MCTP1: variants seen among roughly 807,000 people sequenced by gnomAD.
The protein encoded by MCTP1 is multiple C2 and transmembrane domain-containing protein 1.
A neutral mutation model predicts 120.6 loss-of-function variants in MCTP1; 69 were observed. The ratio of observed to expected loss-of-function variants is 0.57; its 90% confidence interval spans 0.47 to 0.70. The LOEUF is 0.70. MCTP1 is among the 30% of genes least tolerant of loss of function. MCTP1 has a pLI of 0.00. For synonymous variants in MCTP1, 529 were observed against 493.1 expected (o/e 1.07, Z -0.96); for missense variants, 1,203 against 1,248.8 (o/e 0.96, Z 0.55).
chr5:94,852,374 T>C (rs1159083891), intron 17 of MCTP1, among the ~76,000 whole-genome samples: 2 of 151,896 alleles, frequency 1.3e-5, no homozygotes. Context: ...GACCTTATTA[T>C]TATTTAGCTG....
intron 17 of MCTP1, among the ~76,000 whole-genome samples, chr5:94,828,367 C>CA (rs1262625298): frequency 2.0e-5 from 3 of 152,314 alleles, no homozygotes; most frequent in African/African-American, 7.2e-5. Flanking sequence ...AGCTGGAGCT[C>CA]TCCTGTATGA....
At chr5:95,062,802 GTT>G (rs5869669) in intron 1 of MCTP1, among the ~76,000 whole-genome samples, 1 of 151,718 alleles carries the variant, frequency 6.6e-6, no homozygotes, top group South Asian at 2.1e-4. Context: ...CTGTTTTATT[GTT>G]TTTTTGTTTT....
chr5:94,998,813 T>G (rs1833098704), intron 2 of MCTP1, among the ~76,000 whole-genome samples: 2 of 152,216 alleles, frequency 1.3e-5, no homozygotes. Flanking sequence ...TACATACATG[T>G]TAACTCACTG....
At chr5:95,195,490 A>G (rs1750281668) in intron 1 of MCTP1, among the ~76,000 whole-genome samples, 2 of 152,326 alleles carry the variant, frequency 1.3e-5, no homozygotes, top group South Asian at 4.1e-4. Context: ...GATCACAGAA[A>G]GAATTGCCAT....
intron 19 of MCTP1, among the ~76,000 whole-genome samples, chr5:94,767,733 C>A (rs1325286268): frequency 6.6e-6 from 1 of 151,974 alleles, no homozygotes; most frequent in Non-Finnish European, 1.5e-5. Flanking sequence ...ACAAGGAAAA[C>A]TAAAAAATAC....
In MCTP1 at chr5:94,994,501, T is replaced by C. The variant is rs78557646; in HGVS notation, c.838+22866A>G. Among the ~76,000 whole-genome samples, 183 of 152,330 alleles carry C rather than the reference T, an allele frequency of 1.2e-3. 1 individual carries two copies. The highest frequency in any genetic ancestry group is 4.3e-3 in the African/African-American group (177 of 41,586). ...GGAAGCTTTTTTAACATACAGTTTG[T>C]GGTCATAGTTTCATTTATTTACCTA... is the stretch of plus-strand genomic sequence containing the variant. On this transcript the variant is annotated intron_variant, in intron 2 of 22. Coordinates refer to ENST00000515393, the MANE Select transcript of MCTP1 (RefSeq NM_024717.7).
chr5:94,793,712 TAGGAATACTTG>T (rs1239447644), intron 18 of MCTP1: 1 of 152,264 alleles, frequency 6.6e-6, no homozygotes, highest in African/African-American at 2.4e-5. Flanking sequence ...TAGATCCTGT[TAGGAATACTTG>T]ACTTATTCAG....
At position 94,909,304 on chromosome 5, in the gene MCTP1, A is replaced by G; in HGVS notation, c.1599T>C (p.Ile533=). The G allele has an allele frequency of 6.2e-7, 1 of 1,610,386 alleles. No individual in the cohort carries two copies. Among genetic ancestry groups the G allele is most frequent in the Non-Finnish European group, 8.5e-7 (1 of 1,178,402 alleles). Residue 533 remains isoleucine, a synonymous_variant, in exon 10 of 23, where the codon ATT becomes ATC. Coordinates refer to ENST00000515393, the MANE Select transcript of MCTP1 (RefSeq NM_024717.7). Reference sequence around the variant, plus strand: ...CATCTTTGTCCCATGCAGTGATATCAATGACTCCTCCTCTTTCTTCATAAA... The same window carrying G: ...CATCTTTGTCCCATGCAGTGATATCGATGACTCCTCCTCTTTCTTCATAAA... ...FHLYEERGGV[I]DITAWDKDAG... is the part of the protein sequence containing the mutation.
At chr5:95,174,497 C>T (rs1747736282) in intron 1 of MCTP1, among the ~76,000 whole-genome samples, 1 of 151,938 alleles carries the variant, frequency 6.6e-6, no homozygotes, top group South Asian at 2.1e-4. Flanking sequence ...ATTTCTTAGC[C>T]CAGAATTATT....
chr5:95,207,968 G>GGAGAGAGAGGGA (rs1751843294), intron 1 of MCTP1, among the ~76,000 whole-genome samples: 5 of 87,068 alleles, frequency 5.7e-5, no homozygotes, highest in Admixed American at 3.6e-4. Flanking sequence ...GGAGAGAGAG[G>GGAGAGAGAGGGA]GAGAGAGAGG....
intron 1 of MCTP1, among the ~76,000 whole-genome samples, chr5:95,228,690 G>T (rs1754574468): frequency 6.6e-6 from 1 of 152,132 alleles, no homozygotes. Context: ...ATTAAATCAT[G>T]GGGCAGATTT....
intron 1 of MCTP1, among the ~76,000 whole-genome samples, chr5:95,256,514 T>A (rs965178256): frequency 6.6e-6 from 1 of 152,192 alleles, no homozygotes; most frequent in Admixed American, 6.5e-5. Context: ...GACTCCTAAC[T>A]ACATTGCATC....
intron 1 of MCTP1, among the ~76,000 whole-genome samples, chr5:95,096,003 C>G (rs1016345939): frequency 1.3e-5 from 2 of 152,120 alleles, no homozygotes; most frequent in Non-Finnish European, 1.5e-5. Context: ...GAGTTCCACA[C>G]TCTGAATGGA....
intron 1 of MCTP1, among the ~76,000 whole-genome samples, chr5:95,092,378 A>C (rs1755912139): frequency 6.6e-6 from 1 of 152,238 alleles, no homozygotes; most frequent in Non-Finnish European, 1.5e-5. Context: ...ATATAGCCAG[A>C]GGTTAACAGA....
intron 17 of MCTP1, among the ~76,000 whole-genome samples, chr5:94,818,546 T>TC (rs1420444053): frequency 6.6e-6 from 1 of 152,194 alleles, no homozygotes; most frequent in Non-Finnish European, 1.5e-5. Flanking sequence ...GCTAGAGGCT[T>TC]CCTAGAGAGT....
intron 1 of MCTP1, among the ~76,000 whole-genome samples, chr5:95,207,915 A>C (rs1751807425): frequency 6.9e-6 from 1 of 144,286 alleles, no homozygotes; most frequent in African/African-American, 2.6e-5. Flanking sequence ...AAATGAAAAA[A>C]AGAATGAGCG....
At position 95,164,822 on chromosome 5, in the gene MCTP1, C is replaced by T. The variant is rs182043591; in HGVS notation, c.720+119034G>A. Among the ~76,000 whole-genome samples the T allele has an allele frequency of 7.8e-4, 118 of 152,092 alleles. 1 individual carries two copies. The highest frequency in any genetic ancestry group is 2.8e-3 in the African/African-American group (117 of 41,506). ...CTGGATAATGTAAACTCCAAGTGGCCTAATACAAGAAATCTGTTTCTCATG... is the reference window on the plus strand; with the variant it reads ...CTGGATAATGTAAACTCCAAGTGGCTTAATACAAGAAATCTGTTTCTCATG... On this transcript the variant is annotated intron_variant, in intron 1 of 22. Coordinates refer to ENST00000515393, the MANE Select transcript of MCTP1 (RefSeq NM_024717.7).
At chr5:94,922,705 C>A (rs1302656906) in intron 7 of MCTP1, among the ~76,000 whole-genome samples, 1 of 152,108 alleles carries the variant, frequency 6.6e-6, no homozygotes, top group African/African-American at 2.4e-5. Flanking sequence ...TCAGGCTGGT[C>A]TCCAACTCCT....
chr5:95,068,943 T>G (rs1473117057), intron 1 of MCTP1: 1 of 356,694 alleles, frequency 2.8e-6, no homozygotes, highest in Non-Finnish European at 4.4e-6. Context: ...AGGGGAAGAT[T>G]GTGAGCAGGT....
Sources: gnomAD v4.1 joint callset for allele counts (sites outside exome capture counted in the v4.1 genomes callset) on GRCh38, gnomAD v4.1.1 for gene constraint, MANE v1.5 for transcripts, NCBI Gene and HGNC (gene_info 2026-07-23, HGNC 2026-07-21) for gene names.